Variants in CNOT10 observed in about 807,000 individuals in gnomAD.
CNOT10 encodes the protein CCR4-NOT transcription complex, subunit 10.
Under a neutral mutation model 94.6 loss-of-function variants are expected in CNOT10, and 30 were observed. That is an observed-to-expected ratio of 0.32 (90% CI 0.24 to 0.43). CNOT10 has a LOEUF of 0.43. CNOT10 is among the 20% of genes least tolerant of loss of function. The pLI is 1.00. For synonymous variants in CNOT10, 289 were observed against 301.6 expected, an observed-to-expected ratio of 0.96 and a Z score of 0.43; for missense variants, 759 against 877.2, an observed-to-expected ratio of 0.87 and a Z score of 1.70.
intron 9 of CNOT10, 138 bp downstream of exon 9, chr3:32,725,737 G>T (rs957099231): frequency 1.5e-5 from 11 of 723,790 alleles, no homozygotes; most frequent in Non-Finnish European, 2.1e-6. Context: ...GTTTGGCTCT[G>T]GGGATTTTTA....
intron 10 of CNOT10, among the ~76,000 whole-genome samples, chr3:32,728,255 C>T (rs1168753997): frequency 6.6e-6 from 1 of 152,024 alleles, no homozygotes. Context: ...CTCAGCCTCC[C>T]GAAGTGCTGG....
At chr3:32,717,388 T>C (rs1698169712) in intron 7 of CNOT10, 151 bp downstream of exon 7, 4 of 473,288 alleles carry the variant, frequency 8.5e-6, no homozygotes, top group Admixed American at 4.1e-5. Flanking sequence ...GTAATAATAC[T>C]GTGTCTATAG....
At chr3:32,691,728 C>T (rs1006610705) in intron 1 of CNOT10, among the ~76,000 whole-genome samples, 3 of 152,174 alleles carry the variant, frequency 2.0e-5, no homozygotes, top group South Asian at 4.1e-4. Context: ...ATGCCATTGT[C>T]ATAGTTTAGA....
rs765990867 is a variant in CNOT10, at chr3:32,704,938, A to T, written c.245A>T (p.Asn82Ile). Reference sequence around the variant, plus strand: ...AAAAGTAACCAAACAACAACAGATAATTTGAGACAAACACTTAACCAGCTG... The same window carrying T: ...AAAAGTAACCAAACAACAACAGATATTTTGAGACAAACACTTAACCAGCTG... Reference protein sequence around the residue: ...FFKSNQTTTDNLRQTLNQLKN... With the variant: ...FFKSNQTTTDILRQTLNQLKN... The change falls in exon 3 of 19, where the codon AAT (asparagine) becomes ATT (isoleucine). Residue 82 changes from asparagine (N) to isoleucine (I), a missense_variant. By Grantham distance (149) the Asn-to-Ile change is moderately radical. Coordinates refer to ENST00000328834, the MANE Select transcript of CNOT10 (RefSeq NM_015442.3). 1 of 1,549,486 alleles carries T rather than the reference A, an allele frequency of 6.5e-7. No individual in the cohort carries two copies. The highest frequency in any genetic ancestry group is 1.3e-5 in the South Asian group (1 of 79,624).
chr3:32,713,715 C>T (rs1697989705), intron 5 of CNOT10, among the ~76,000 whole-genome samples: 1 of 152,196 alleles, frequency 6.6e-6, no homozygotes, highest in South Asian at 2.1e-4. Flanking sequence ...TCTGAATTTA[C>T]TGTCTGGACA....
Position 32,727,638 on chromosome 3 carries a change from G to C in CNOT10, c.1013-30G>C, listed in dbSNP as rs375328765. ...AGGTTACTATTACTGTAAATCTAAT[G>C]ATGTATTCTTATCTAATTTTTATCA... is the stretch of plus-strand genomic sequence containing the variant. On this transcript the variant is annotated intron_variant, in intron 9 of 18. Transcript: ENST00000328834. 3.1e-5 allele frequency: 42 copies of C among 1,358,056 alleles called. No homozygotes were observed. In the African/African-American group the frequency reaches 5.5e-4, roughly 18 times the overall value. 84.1% of individuals were successfully genotyped at this position (1,358,056 alleles called of 1,614,324 possible).
intron 8 of CNOT10, among the ~76,000 whole-genome samples, chr3:32,725,180 A>G (rs1384247584): frequency 6.6e-6 from 1 of 152,170 alleles, no homozygotes; most frequent in Non-Finnish European, 1.5e-5. Context: ...AAATTGTTTT[A>G]AAAAAGGAAA....
rs1697489698 is a variant in CNOT10 at position 32,703,922 on chromosome 3, A to G, written c.77A>G (p.Gln26Arg). 1 of 1,613,860 alleles carries G rather than the reference A, an allele frequency of 6.2e-7. No homozygotes were observed. Among genetic ancestry groups the G allele is most frequent in the Non-Finnish European group, 8.5e-7 (1 of 1,179,852 alleles). Residue 26 changes from glutamine to arginine, a missense_variant, in exon 2 of 19, where the codon CAA (glutamine) becomes CGA (arginine). This residue lies in a region of CNOT10 where 682 missense variants were observed against 799.4 expected (regional missense o/e 0.85). Coordinates refer to ENST00000328834, the MANE Select transcript of CNOT10 (RefSeq NM_015442.3). Reference protein sequence around the residue: ...GTGQSSGITDQEKELSTNAFQ... With the variant: ...GTGQSSGITDREKELSTNAFQ... ...GGTCAGTCCTCTGGGATCACTGATC[A>G]AGAGAAGGAGTTATCCACCAATGCT...
intron 3 of CNOT10, among the ~76,000 whole-genome samples, chr3:32,707,702 C>T (rs1420784880): frequency 6.6e-6 from 1 of 151,956 alleles, no homozygotes; most frequent in Non-Finnish European, 1.5e-5. Flanking sequence ...ACTCAGGAGG[C>T]TAAGGCAGGA....
In CNOT10 at chr3:32,725,462, G is replaced by C. The variant is rs750851789; in HGVS notation, c.875G>C (p.Arg292Thr). Reference protein sequence around the residue: ...PGFMKTGECLRCMFWNNLGCI... With the variant: ...PGFMKTGECLTCMFWNNLGCI... ...GCATTTTTTTCAGGTGAATGCTTGA[G>C]ATGCATGTTCTGGAATAACCTTGGT... The change falls in exon 9 of 19, where the codon AGA becomes ACA. Residue 292 changes from arginine (R) to threonine (T), a missense_variant. By Grantham distance (71) the Arg-to-Thr change is moderately conservative. Transcript: ENST00000328834. 57 of 1,613,140 alleles carry C rather than the reference G, an allele frequency of 3.5e-5. No individual in the cohort carries two copies. Among genetic ancestry groups the C allele is most frequent in the Non-Finnish European group, 4.7e-5 (56 of 1,179,764 alleles).
chr3:32,689,644 C>T (rs543563771), intron 1 of CNOT10, among the ~76,000 whole-genome samples: 1 of 152,124 alleles, frequency 6.6e-6, no homozygotes. Context: ...GCTCTAGTCC[C>T]TAGAACAATA....
chr3:32,749,917 A>C (rs1488953703), intron 13 of CNOT10, among the ~76,000 whole-genome samples: 1 of 152,124 alleles, frequency 6.6e-6, no homozygotes, highest in Non-Finnish European at 1.5e-5. Flanking sequence ...AAAGGAGGGA[A>C]GGAGGAAGAA....
At chr3:32,686,526 G>A (rs1461615036) in intron 1 of CNOT10, among the ~76,000 whole-genome samples, 3 of 152,186 alleles carry the variant, frequency 2.0e-5, no homozygotes, top group Admixed American at 6.5e-5. Flanking sequence ...CAAAGGCCTT[G>A]AGAGGGTATA....
intron 14 of CNOT10, among the ~76,000 whole-genome samples, chr3:32,761,223 A>G (rs1223050585): frequency 1.3e-5 from 2 of 152,148 alleles, no homozygotes; most frequent in Non-Finnish European, 2.9e-5. Context: ...ATCTTGTCCA[A>G]TATTCAGGCC....
chr3:32,685,393 C>T lies in CNOT10; in HGVS notation c.-68C>T. 2.0e-6 allele frequency: 3 copies of T among 1,537,086 alleles called. No individual in the cohort carries two copies. Among genetic ancestry groups the T allele is most frequent in the Non-Finnish European group, 2.6e-6 (3 of 1,135,284 alleles). ...AGTTGTCCTCGGAGGTCCAGGACAGCGGCCAGCCCGGCGGCGGGAGTCAGG... is the reference window on the plus strand; with the variant it reads ...AGTTGTCCTCGGAGGTCCAGGACAGTGGCCAGCCCGGCGGCGGGAGTCAGG... On this transcript the variant is annotated 5_prime_UTR_variant, in exon 1 of 19. Coordinates refer to ENST00000328834, the MANE Select transcript of CNOT10 (RefSeq NM_015442.3).
intron 1 of CNOT10, among the ~76,000 whole-genome samples, chr3:32,699,534 A>T (rs149331654): frequency 1.3e-5 from 2 of 152,212 alleles, no homozygotes; most frequent in African/African-American, 4.8e-5. Context: ...TTTGAGGAAC[A>T]CTGTGAAGGA....
chr3:32,770,027 A>T (rs1209912480), intron 18 of CNOT10, 65 bp downstream of exon 18: 2 of 1,246,390 alleles, frequency 1.6e-6, no homozygotes, highest in African/African-American at 3.0e-5. Context: ...TGGTTGGGAG[A>T]CAGGGTCTCA....
chr3:32,687,465 T>TTTTTTTTTTTTTTTTTTG (rs1361507074), intron 1 of CNOT10, among the ~76,000 whole-genome samples: 1 of 123,644 alleles, frequency 8.1e-6, no homozygotes, highest in African/African-American at 2.8e-5. Context: ...TTTTTTTTTT[T>TTTTTTTTTTTTTTTTTTG]TTTTGAGACG....
chr3:32,755,877 G>C (rs1018051821), intron 13 of CNOT10, among the ~76,000 whole-genome samples: 1 of 151,974 alleles, frequency 6.6e-6, no homozygotes, highest in African/African-American at 2.4e-5. Context: ...CCTCCACAGG[G>C]GGGAAAAGCT....
Sources: gnomAD v4.1 joint callset for allele counts (sites outside exome capture counted in the v4.1 genomes callset) on GRCh38, gnomAD v4.1.1 for gene constraint, gnomAD v4.1.1 regional missense constraint, MANE v1.5 for transcripts, NCBI Gene and HGNC (gene_info 2026-07-23, HGNC 2026-07-21) for gene names.